The following RABEP1 variants were observed in gnomAD, a reference collection of about 807,000 sequenced individuals.
RABEP1 encodes rabaptin, RAB GTPase binding effector protein 1, also known as rab GTPase-binding effector protein 1.
RABEP1 carries 51 observed loss-of-function variants against 123.4 expected under a neutral mutation model. That is an observed-to-expected ratio of 0.41 (90% CI 0.33 to 0.52). The LOEUF (loss-of-function observed/expected upper bound fraction) is 0.52. RABEP1 is among the 20% of genes least tolerant of loss of function. The probability of loss-of-function intolerance (pLI) is 0.16; values close to 1 mark genes in which losing one functional copy is unlikely to be tolerated. For missense variants in RABEP1, 888 were observed against 996.3 expected (o/e 0.89, Z 1.46); for synonymous variants, 347 against 355.2 (o/e 0.98, Z 0.26).
intron 11 of RABEP1, among the ~76,000 whole-genome samples, chr17:5,368,099 T>C (rs2144697444): frequency 6.6e-6 from 1 of 152,146 alleles, no homozygotes; most frequent in South Asian, 2.1e-4. Flanking sequence ...TACAACTAGG[T>C]CACGTGAGTT....
At chr17:5,337,296 G>T in intron 4 of RABEP1, among the ~76,000 whole-genome samples, 1 of 152,224 alleles carries the variant, frequency 6.6e-6, no homozygotes, top group East Asian at 1.9e-4. Flanking sequence ...TAGAAAACAC[G>T]TTATTCTATT....
Position 5,383,701 on chromosome 17 carries a change from AT to A in RABEP1, c.*479del, listed in dbSNP as rs1191460126. ...CTGTATGAATATTTTATATTAAAAT[AT>A]GAAGGTTTGAGAGCAGGCCATTGGC... On this transcript the variant is annotated 3_prime_UTR_variant, in exon 18 of 18. Transcript: ENST00000537505. The A allele has an allele frequency of 4.5e-6, 1 of 223,954 alleles. No homozygotes were observed. Among genetic ancestry groups the A allele is most frequent in the East Asian group, 6.6e-5 (1 of 15,044 alleles). 13.9% of individuals were successfully genotyped at this position (223,954 alleles called of 1,614,324 possible). A position where few individuals can be genotyped will look rare whatever the true frequency, so the allele number is the denominator to read the frequency against.
At chr17:5,296,424 C>T (rs552324632) in intron 1 of RABEP1, among the ~76,000 whole-genome samples, 49 of 152,120 alleles carry the variant, frequency 3.2e-4, no homozygotes, top group Admixed American at 1.0e-3. Flanking sequence ...CCACCACACC[C>T]GGCTAATTTT....
chr17:5,366,969 A>G (rs573305109), intron 11 of RABEP1, among the ~76,000 whole-genome samples: 139 of 151,312 alleles, frequency 9.2e-4, no homozygotes, highest in Non-Finnish European at 1.7e-3. Context: ...CATTCCTGTA[A>G]TCCCAGCCAC....
chr17:5,323,779 AAT>A (rs751544478), intron 2 of RABEP1, among the ~76,000 whole-genome samples: 6,204 of 75,764 alleles, frequency 0.082, 1,572 homozygotes, highest in East Asian at 0.57. Flanking sequence ...TATATCTAGG[AAT>A]ATATATATAT....
chr17:5,318,691 G>A (rs2075322118), intron 2 of RABEP1, among the ~76,000 whole-genome samples: 1 of 152,142 alleles, frequency 6.6e-6, no homozygotes, highest in African/African-American at 2.4e-5. Flanking sequence ...GAAACAGAGG[G>A]AATACTTCCT....
At chr17:5,372,813 C>G (rs191223748) in intron 12 of RABEP1, among the ~76,000 whole-genome samples, 2 of 151,398 alleles carry the variant, frequency 1.3e-5, no homozygotes, top group Non-Finnish European at 2.9e-5. Context: ...ATGGGCGCAA[C>G]GGTGCAATCT....
chr17:5,377,321 A>C lies in RABEP1; in HGVS notation c.2215+16A>C, dbSNP rs930471724. 6.4e-7 allele frequency: 1 copy of C among 1,563,444 alleles called. No individual in the cohort carries two copies. Among genetic ancestry groups the C allele is most frequent in the Non-Finnish European group, 8.6e-7 (1 of 1,162,698 alleles). On this transcript the variant is annotated intron_variant, in intron 14 of 17. Transcript: ENST00000537505. Reference sequence around the variant, plus strand: ...GAGGAAATAGGTGAAGATAAAAGTGATGTAGTTTAGAATTAGAGTCACTAA... The same window carrying C: ...GAGGAAATAGGTGAAGATAAAAGTGCTGTAGTTTAGAATTAGAGTCACTAA...
At chr17:5,324,082 A>G (rs1905725955) in intron 2 of RABEP1, among the ~76,000 whole-genome samples, 1 of 152,036 alleles carries the variant, frequency 6.6e-6, no homozygotes, top group Admixed American at 6.6e-5. Flanking sequence ...AGAAACAGAA[A>G]AATCTTAAAA....
intron 4 of RABEP1, 62 bp downstream of exon 4, chr17:5,335,406 T>A (rs1906978641): frequency 1.4e-6 from 2 of 1,384,484 alleles, no homozygotes; most frequent in Admixed American, 4.0e-5. Flanking sequence ...GCTTTAATAT[T>A]GTTGTGTAAT....
chr17:5,300,861 A>G (rs537963969), intron 1 of RABEP1, among the ~76,000 whole-genome samples: 1 of 152,262 alleles, frequency 6.6e-6, no homozygotes, highest in East Asian at 1.9e-4. Context: ...TGGGAGGGCA[A>G]GGGAGAGAGA....
At chr17:5,285,489 TGTTA>T (rs1296290055) in intron 1 of RABEP1, among the ~76,000 whole-genome samples, 2 of 152,182 alleles carry the variant, frequency 1.3e-5, no homozygotes, top group African/African-American at 4.8e-5. Context: ...GATTGTTTCC[TGTTA>T]GTTACACAGA....
chr17:5,316,832 CAAAAAAAAA>C (rs55890740), intron 2 of RABEP1, among the ~76,000 whole-genome samples: 1 of 67,176 alleles, frequency 1.5e-5, no homozygotes, highest in African/African-American at 5.9e-5. Context: ...GACTCTGTCT[CAAAAAAAAA>C]AAAAAAAAAA....
At chr17:5,381,661 AACCTGGTGTGTTCTTC>A in intron 17 of RABEP1, 156 bp downstream of exon 17, 1 of 1,313,146 alleles carries the variant, frequency 7.6e-7, no homozygotes, top group Non-Finnish European at 1.0e-6. Context: ...TCAAGCCAGA[AACCTGGTGTGTTCTTC>A]ACACTTGGCC....
At position 5,379,663 on chromosome 17, in the gene RABEP1, A is replaced by G. The variant is rs551046582; in HGVS notation, c.2272-701A>G. Among the ~76,000 whole-genome samples the G allele has an allele frequency of 4.6e-5, 7 of 152,320 alleles. No homozygotes were observed. In the East Asian group the frequency reaches 9.6e-4, roughly 21 times the overall value. On this transcript the variant is annotated intron_variant, in intron 15 of 17. Coordinates refer to ENST00000537505, the MANE Select transcript of RABEP1 (RefSeq NM_004703.6). ...ATTCTAGCTGCCACTCTTTGAGTTC[A>G]GACTTCACTCTCACCTGGCTTATTG...
At chr17:5,341,984 C>T (rs969624479) in intron 5 of RABEP1, among the ~76,000 whole-genome samples, 1 of 152,162 alleles carries the variant, frequency 6.6e-6, no homozygotes, top group African/African-American at 2.4e-5. Context: ...GACCCATGCT[C>T]AGTAATTCAG....
At chr17:5,375,857 T>C (rs1910948781) in intron 13 of RABEP1, among the ~76,000 whole-genome samples, 1 of 145,206 alleles carries the variant, frequency 6.9e-6, no homozygotes, top group Non-Finnish European at 1.5e-5. Flanking sequence ...CTAGATTTTA[T>C]TTCATTTTAT....
intron 13 of RABEP1, among the ~76,000 whole-genome samples, chr17:5,376,907 T>C (rs1911037488): frequency 6.6e-6 from 1 of 152,244 alleles, no homozygotes; most frequent in Non-Finnish European, 1.5e-5. Flanking sequence ...GCTTACAAGA[T>C]ACGACTTGGC....
At chr17:5,341,370 T>G (rs565001341) in intron 5 of RABEP1, among the ~76,000 whole-genome samples, 3 of 152,324 alleles carry the variant, frequency 2.0e-5, no homozygotes, top group Admixed American at 1.3e-4. Flanking sequence ...TGAAAAAATT[T>G]CTAATAAAAG....
Sources: gnomAD v4.1 joint callset for allele counts (sites outside exome capture counted in the v4.1 genomes callset) on GRCh38, gnomAD v4.1.1 for gene constraint, MANE v1.5 for transcripts, NCBI Gene and HGNC (gene_info 2026-07-23, HGNC 2026-07-21) for gene names.